Variants in SH3GL2 observed in about 807,000 individuals in gnomAD.
SH3GL2 encodes SH3 domain containing GRB2 like 2, endophilin A1, also known as endophilin-A1.
A neutral mutation model predicts 46.0 loss-of-function variants in SH3GL2; 24 were observed. The ratio of observed to expected loss-of-function variants is 0.52; its 90% confidence interval spans 0.38 to 0.73. SH3GL2 has a LOEUF of 0.73. SH3GL2 is among the 30% of genes least tolerant of loss of function. The pLI is 0.00. For missense variants in SH3GL2, 413 were observed against 424.2 expected, an observed-to-expected ratio of 0.97 and a Z score of 0.23; for synonymous variants, 196 against 147.1, an observed-to-expected ratio of 1.33 and a Z score of -2.40.
intron 1 of SH3GL2, among the ~76,000 whole-genome samples, chr9:17,643,001 T>G (rs1819722025): frequency 6.6e-6 from 1 of 152,228 alleles, no homozygotes; most frequent in Non-Finnish European, 1.5e-5. Context: ...TTCATGATAT[T>G]GATTCTTCCT....
intron 1 of SH3GL2, among the ~76,000 whole-genome samples, chr9:17,657,733 C>CCG (rs3084637): frequency 1.2e-3 from 180 of 151,848 alleles, no homozygotes; most frequent in African/African-American, 3.7e-3. Flanking sequence ...TTATCTGTAA[C>CCG]GGGAACAATA....
intron 1 of SH3GL2, among the ~76,000 whole-genome samples, chr9:17,714,828 T>G (rs1327675348): frequency 6.6e-6 from 1 of 151,884 alleles, no homozygotes; most frequent in African/African-American, 2.4e-5. Flanking sequence ...TGCTTTTAAT[T>G]TCTCATGTAG....
intron 2 of SH3GL2, among the ~76,000 whole-genome samples, chr9:17,755,329 A>T (rs1016031018): frequency 1.3e-5 from 2 of 152,216 alleles, no homozygotes; most frequent in African/African-American, 4.8e-5. Context: ...CATCCCAGGG[A>T]TAAAGCCTAC....
At chr9:17,709,385 G>A (rs1588262041) in intron 1 of SH3GL2, among the ~76,000 whole-genome samples, 1 of 152,000 alleles carries the variant, frequency 6.6e-6, no homozygotes, top group East Asian at 1.9e-4. Context: ...TTCTTGTGTA[G>A]CAAGTCCATG....
intron 1 of SH3GL2, among the ~76,000 whole-genome samples, chr9:17,618,122 C>T (rs530653044): frequency 6.6e-5 from 10 of 152,110 alleles, no homozygotes; most frequent in Admixed American, 1.3e-4. Context: ...GGTTCTCAAC[C>T]GGGGATGATT....
At chr9:17,706,597 T>A (rs1821478928) in intron 1 of SH3GL2, among the ~76,000 whole-genome samples, 1 of 152,138 alleles carries the variant, frequency 6.6e-6, no homozygotes, top group Non-Finnish European at 1.5e-5. Context: ...TAATCTTTCC[T>A]GTCTTAAATT....
At chr9:17,793,244 TCCCACA>T in intron 7 of SH3GL2, 117 bp from the exon 8 acceptor site, 1 of 852,390 alleles carries the variant, frequency 1.2e-6, no homozygotes, top group Non-Finnish European at 1.8e-6. Flanking sequence ...TTTTTTGATT[TCCCACA>T]CTTCATCATG....
At chr9:17,760,928 G>C (rs191511368) in intron 2 of SH3GL2, among the ~76,000 whole-genome samples, 3 of 152,276 alleles carry the variant, frequency 2.0e-5, no homozygotes, top group East Asian at 3.9e-4. Flanking sequence ...CTAGCATCAA[G>C]ATTTTTGTTT....
chr9:17,780,480 T>A (rs12682802), intron 3 of SH3GL2, among the ~76,000 whole-genome samples: 62,938 of 121,324 alleles, frequency 0.52, 14,480 homozygotes, highest in East Asian at 0.82. Flanking sequence ...TTTTTTTTTT[T>A]AATTTTTTTT....
chr9:17,775,726 G>A (rs1484040148), intron 3 of SH3GL2, among the ~76,000 whole-genome samples: 2 of 152,176 alleles, frequency 1.3e-5, no homozygotes, highest in Non-Finnish European at 2.9e-5. Flanking sequence ...AAAGACTTCA[G>A]AAACCATGTT....
At chr9:17,661,569 G>A (rs1169190839) in intron 1 of SH3GL2, among the ~76,000 whole-genome samples, 1 of 152,156 alleles carries the variant, frequency 6.6e-6, no homozygotes, top group African/African-American at 2.4e-5. Context: ...AGAATATTAG[G>A]ATTTCCATTT....
chr9:17,774,684 A>T (rs4348595), intron 3 of SH3GL2, among the ~76,000 whole-genome samples: 71,346 of 151,538 alleles, frequency 0.47, 17,303 homozygotes, highest in East Asian at 0.82. Flanking sequence ...ATGCTGTTGA[A>T]TTTGCTTTGC....
intron 1 of SH3GL2, among the ~76,000 whole-genome samples, chr9:17,678,857 C>G (rs941221112): frequency 5.3e-5 from 8 of 152,074 alleles, no homozygotes; most frequent in Non-Finnish European, 1.0e-4. Flanking sequence ...TATGGCTAGC[C>G]AGTTTTCCCA....
intron 1 of SH3GL2, among the ~76,000 whole-genome samples, chr9:17,625,923 T>A (rs1819269758): frequency 3.9e-5 from 6 of 152,144 alleles, no homozygotes; most frequent in Admixed American, 3.9e-4. Context: ...TCAAGGCAAT[T>A]AGAGAAAACC....
intron 1 of SH3GL2, among the ~76,000 whole-genome samples, chr9:17,653,335 C>G (rs533591727): frequency 1.3e-5 from 2 of 152,154 alleles, no homozygotes; most frequent in African/African-American, 2.4e-5. Flanking sequence ...TTCTTCAATA[C>G]TTTCTCCCAT....
intron 1 of SH3GL2, among the ~76,000 whole-genome samples, chr9:17,667,716 T>A (rs529643381): frequency 2.8e-4 from 42 of 152,298 alleles, no homozygotes; most frequent in Non-Finnish European, 5.3e-4. Context: ...ATGTTTAACC[T>A]TTTGAGGTAC....
chr9:17,701,237 T>G (rs557419602), intron 1 of SH3GL2, among the ~76,000 whole-genome samples: 1 of 152,096 alleles, frequency 6.6e-6, no homozygotes, highest in Non-Finnish European at 1.5e-5. Context: ...ACTACAAAAG[T>G]TGAAAATCTC....
chr9:17,602,047 T>A (rs1347709253), intron 1 of SH3GL2, among the ~76,000 whole-genome samples: 1 of 152,186 alleles, frequency 6.6e-6, no homozygotes, highest in East Asian at 1.9e-4. Flanking sequence ...AACTCTTCCT[T>A]CCCGACTGTC....
chr9:17,654,698 T>C (rs1820031375), intron 1 of SH3GL2, among the ~76,000 whole-genome samples: 1 of 152,216 alleles, frequency 6.6e-6, no homozygotes, highest in Admixed American at 6.5e-5. Context: ...TAATTATCAC[T>C]GACTGTATGA....
Sources: gnomAD v4.1 joint callset for allele counts (sites outside exome capture counted in the v4.1 genomes callset) on GRCh38, gnomAD v4.1.1 for gene constraint, MANE v1.5 for transcripts, NCBI Gene and HGNC (gene_info 2026-07-23, HGNC 2026-07-21) for gene names.